Variants in MICAL3 observed in about 807,000 individuals in gnomAD.
MICAL3 encodes [F-actin]-monooxygenase MICAL3.
Under a neutral mutation model 207.4 loss-of-function variants are expected in MICAL3, and 62 were observed. The observed-to-expected ratio is 0.30, with a 90% CI of 0.24 to 0.37. The LOEUF is 0.37. Ranked by LOEUF, MICAL3 falls within the 10% of genes least tolerant of loss-of-function variation. The pLI, the probability that MICAL3 is intolerant of heterozygous loss-of-function variation, is 1.00. For synonymous variants in MICAL3, 1,077 were observed against 1,069.3 expected (o/e 1.01, Z -0.14); for missense variants, 2,368 against 2,635.6 (o/e 0.90, Z 2.22).
At chr22:17,836,962 A>G (rs1019338200) in intron 20 of MICAL3, among the ~76,000 whole-genome samples, 1 of 152,192 alleles carries the variant, frequency 6.6e-6, no homozygotes, top group African/African-American at 2.4e-5. Context: ...TGGTTTTTAA[A>G]GGGCAATGGG....
rs899999018 is a variant in MICAL3, at chr22:17,880,443, G to C, written c.2241+5435C>G. 2.7e-4 allele frequency among the ~76,000 whole-genome samples: 41 copies of C among 152,326 alleles called. 1 individual carries two copies. Among genetic ancestry groups the C allele is most frequent in the African/African-American group, 9.4e-4 (39 of 41,564 alleles). ...CCCAGCAGCTGCTCAACCTGCAACG[G>C]CTCAGTTCTGAGAACCATGGACACA... On this transcript the variant is annotated intron_variant, in intron 16 of 31. Coordinates refer to ENST00000441493, the MANE Select transcript of MICAL3 (RefSeq NM_015241.3).
At chr22:17,959,077 G>C (rs1419375034) in intron 1 of MICAL3, among the ~76,000 whole-genome samples, 2 of 140,624 alleles carry the variant, frequency 1.4e-5, no homozygotes, top group South Asian at 4.6e-4. Flanking sequence ...GTGCAGTGGC[G>C]CAATCTCGGC....
intron 1 of MICAL3, among the ~76,000 whole-genome samples, chr22:17,948,929 G>A (rs1302503063): frequency 1.4e-5 from 1 of 72,726 alleles, no homozygotes; most frequent in Admixed American, 1.5e-4. Context: ...AAAAAAAATT[G>A]GCCAGCACGG....
chr22:17,845,365 C>A (rs1428651444), intron 19 of MICAL3, among the ~76,000 whole-genome samples: 2 of 152,288 alleles, frequency 1.3e-5, no homozygotes, highest in East Asian at 3.9e-4. Flanking sequence ...GGCAAGAATT[C>A]TACTAGGACC....
At position 17,817,661 on chromosome 22, in the gene MICAL3, G is replaced by A; in HGVS notation, c.5000C>T (p.Ala1667Val). The change falls in exon 26 of 32, where the codon GCC (alanine) becomes GTC (valine). Residue 1667 changes from alanine to valine, a missense_variant. Ala to Val is a moderately conservative substitution (Grantham distance 64). Transcript: ENST00000441493. ...CGGGGAGAGGACCTCCTCGCTGGTG[G>A]CTTCATGCTTCAGGGTGGGCTCCTC... ...GSEEPTLKHEATSEEVLSPPS... is the reference protein window; with the variant it reads ...GSEEPTLKHEVTSEEVLSPPS... 1 of 1,611,696 alleles carries A rather than the reference G, an allele frequency of 6.2e-7. No homozygotes were observed. The highest frequency in any genetic ancestry group is 8.5e-7 in the Non-Finnish European group (1 of 1,179,508).
chr22:17,903,268 C>T (rs1431607782), intron 3 of MICAL3, among the ~76,000 whole-genome samples: 3 of 152,218 alleles, frequency 2.0e-5, no homozygotes, highest in Non-Finnish European at 2.9e-5. Context: ...CTACCATTCC[C>T]CCTCCCATTC....
chr22:17,900,291 T>C lies in MICAL3; in HGVS notation c.847+551A>G, dbSNP rs755794835. Among the ~76,000 whole-genome samples the C allele has an allele frequency of 7.2e-5, 11 of 152,156 alleles. No individual in the cohort carries two copies. The highest frequency in any genetic ancestry group is 4.6e-4 in the Admixed American group (7 of 15,264). ...GAAGAACTAGTGGAGGCAGAACGAA[T>C]GCTTTACAACAAATAAACGAACAAA... On this transcript the variant is annotated intron_variant, in intron 6 of 31. Coordinates refer to ENST00000441493, the MANE Select transcript of MICAL3 (RefSeq NM_015241.3). This position sits in a 1 kb window ranked among gnomAD's most constrained non-coding sequence, Gnocchi z 4.0.
chr22:17,865,999 A>G lies in MICAL3; in HGVS notation c.2442T>C (p.Cys814=), dbSNP rs754945685. Residue 814 remains cysteine, a synonymous_variant, in exon 18 of 32, where the codon TGT becomes TGC. Transcript: ENST00000441493. ...AGAGTCGATAGCAGTAGTGTGGCTT[A>G]CAGTAGAATTTACCTGCAGACAGCA... ...AYDIEDGKFY[C]KPHYCYRLSG... 13 of 1,613,290 alleles carry G rather than the reference A, an allele frequency of 8.1e-6. No homozygotes were observed. The highest frequency in any genetic ancestry group is 3.3e-5 in the Admixed American group (2 of 60,012).
At chr22:17,819,800 A>C (rs35570448) in intron 25 of MICAL3, among the ~76,000 whole-genome samples, 2 of 151,406 alleles carry the variant, frequency 1.3e-5, no homozygotes, top group African/African-American at 2.4e-5. Context: ...AAAATTAGGC[A>C]GGTGTGGTGG....
chr22:17,992,555 A>G (rs972610133), intron 1 of MICAL3, among the ~76,000 whole-genome samples: 1 of 152,162 alleles, frequency 6.6e-6, no homozygotes, highest in Non-Finnish European at 1.5e-5. Flanking sequence ...CAGATGCTCA[A>G]TAAATGTGCT....
intron 1 of MICAL3, among the ~76,000 whole-genome samples, chr22:17,981,748 T>C (rs1232665416): frequency 1.3e-5 from 2 of 152,176 alleles, no homozygotes; most frequent in Non-Finnish European, 2.9e-5. Context: ...CAACAGGAAG[T>C]GATGAGTTTT....
chr22:17,959,880 T>C (rs529565492), intron 1 of MICAL3, among the ~76,000 whole-genome samples: 1 of 152,054 alleles, frequency 6.6e-6, no homozygotes, highest in Non-Finnish European at 1.5e-5. Flanking sequence ...AGACAGACCT[T>C]ATAAGGCAAG....
chr22:17,932,301 G>C (rs1461380952), intron 1 of MICAL3, among the ~76,000 whole-genome samples: 1 of 152,208 alleles, frequency 6.6e-6, no homozygotes, highest in Non-Finnish European at 1.5e-5. Context: ...CTACAAGCCA[G>C]AAGAGAGTAG....
intron 1 of MICAL3, among the ~76,000 whole-genome samples, chr22:17,990,929 C>T (rs1569159630): frequency 6.6e-6 from 1 of 152,216 alleles, no homozygotes; most frequent in Non-Finnish European, 1.5e-5. Flanking sequence ...ATATGCCCTG[C>T]TGGATTTTCT....
intron 19 of MICAL3, chr22:17,863,621 A>C (rs1011852559): frequency 1.0e-6 from 1 of 985,452 alleles, no homozygotes; most frequent in East Asian, 1.1e-4. Context: ...TCAGATGATA[A>C]TAAGGGCACG....
rs867461533 is a variant in MICAL3, at chr22:17,928,662, C to T, written c.-74-21776G>A. ...CATTCACTCCTTGAAATAACACTGC[C>T]CTGATACGATGAACAACCAGAACAC... is the stretch of plus-strand genomic sequence containing the variant. On this transcript the variant is annotated intron_variant, in intron 1 of 31. Transcript: ENST00000441493. 1.2e-4 allele frequency among the ~76,000 whole-genome samples: 18 copies of T among 152,288 alleles called. 1 individual carries two copies. The Middle Eastern group carries it at 0.014, about 115-fold the overall frequency.
At chr22:17,965,700 G>A (rs551186290) in intron 1 of MICAL3, among the ~76,000 whole-genome samples, 5 of 152,320 alleles carry the variant, frequency 3.3e-5, no homozygotes, top group South Asian at 2.1e-4. Flanking sequence ...GCCTGGAACC[G>A]TGAACACTAA....
intron 20 of MICAL3, among the ~76,000 whole-genome samples, chr22:17,835,467 T>C (rs1457602944): frequency 2.6e-5 from 4 of 152,142 alleles, no homozygotes; most frequent in Non-Finnish European, 5.9e-5. Context: ...TTGGCCCAGG[T>C]CCTGTGCGTC....
At chr22:17,919,338 G>C (rs1347645201) in intron 1 of MICAL3, among the ~76,000 whole-genome samples, 1 of 152,168 alleles carries the variant, frequency 6.6e-6, no homozygotes, top group Non-Finnish European at 1.5e-5. Flanking sequence ...TTACAGGTGT[G>C]AGCCACCACA....
Sources: allele counts gnomAD v4.1 joint callset (sites outside exome capture counted in the v4.1 genomes callset), GRCh38; gene constraint gnomAD v4.1.1; non-coding constraint Gnocchi (gnomAD v3.1); transcripts MANE v1.5; gene names NCBI Gene and HGNC (gene_info 2026-07-23, HGNC 2026-07-21).